PALLD: variants seen among roughly 807,000 people sequenced by gnomAD.
PALLD encodes the protein palladin, cytoskeletal associated protein.
Under a neutral mutation model 123.5 loss-of-function variants are expected in PALLD, and 61 were observed. The observed-to-expected ratio is 0.49, with a 90% CI of 0.40 to 0.61. PALLD has a LOEUF of 0.61. Ranked by LOEUF, PALLD falls within the 20% of genes least tolerant of loss-of-function variation. PALLD has a pLI of 0.00. For missense variants in PALLD, 1,273 were observed against 1,377.0 expected (o/e 0.92, Z 1.20); for synonymous variants, 465 against 496.4 (o/e 0.94, Z 0.84).
At chr4:168,643,439 T>G (rs1777147441) in intron 2 of PALLD, among the ~76,000 whole-genome samples, 1 of 152,214 alleles carries the variant, frequency 6.6e-6, no homozygotes, top group Admixed American at 6.5e-5. Flanking sequence ...TTGCTGTTTA[T>G]CATAACATGA....
At chr4:168,752,861 A>C (rs1731249686) in intron 10 of PALLD, among the ~76,000 whole-genome samples, 2 of 152,166 alleles carry the variant, frequency 1.3e-5, no homozygotes, top group African/African-American at 4.8e-5. Context: ...AAATCTTTTA[A>C]AACTTATAGT....
intron 2 of PALLD, among the ~76,000 whole-genome samples, chr4:168,553,191 T>C (rs537642877): frequency 6.6e-6 from 1 of 152,260 alleles, no homozygotes; most frequent in East Asian, 1.9e-4. Context: ...ACCCATCTAA[T>C]TGAAAACCTA....
At chr4:168,542,669 C>CTA (rs113445830) in intron 2 of PALLD, among the ~76,000 whole-genome samples, 4 of 126,154 alleles carry the variant, frequency 3.2e-5, no homozygotes, top group Non-Finnish European at 6.5e-5. Flanking sequence ...CTCTCTCTCT[C>CTA]TATATATATA....
intron 2 of PALLD, among the ~76,000 whole-genome samples, chr4:168,514,856 T>G (rs1762849157): frequency 6.6e-6 from 1 of 152,218 alleles, no homozygotes; most frequent in Non-Finnish European, 1.5e-5. Context: ...ATTACTGTAT[T>G]AAAATTCACT....
chr4:168,832,352 C>T (rs570160528), intron 10 of PALLD, among the ~76,000 whole-genome samples: 2 of 152,234 alleles, frequency 1.3e-5, no homozygotes, highest in South Asian at 2.1e-4. Flanking sequence ...CCCTCTCCCT[C>T]CCCCGGCCCG....
chr4:168,511,016 T>G (rs891714476), intron 1 of PALLD, among the ~76,000 whole-genome samples: 2 of 152,152 alleles, frequency 1.3e-5, no homozygotes, highest in South Asian at 4.1e-4. Context: ...TAAATGAAAA[T>G]TGGAATCCTT....
At chr4:168,706,376 C>T (rs1018499284) in intron 8 of PALLD, among the ~76,000 whole-genome samples, 6 of 152,148 alleles carry the variant, frequency 3.9e-5, no homozygotes, top group African/African-American at 1.4e-4. Flanking sequence ...CCCATTCAAA[C>T]ATCAAATTGA....
At chr4:168,540,395 T>C (rs1228843414) in intron 2 of PALLD, among the ~76,000 whole-genome samples, 3 of 152,218 alleles carry the variant, frequency 2.0e-5, no homozygotes, top group Non-Finnish European at 4.4e-5. Context: ...TCTAGGCTTC[T>C]TTCTGTTTCC....
At chr4:168,741,090 A>T (rs1252103722) in intron 10 of PALLD, among the ~76,000 whole-genome samples, 1 of 152,190 alleles carries the variant, frequency 6.6e-6, no homozygotes, top group African/African-American at 2.4e-5. Flanking sequence ...AATGTTTCCC[A>T]TTGGCTTCAT....
chr4:168,620,475 C>T (rs895247477), intron 2 of PALLD, among the ~76,000 whole-genome samples: 3 of 152,090 alleles, frequency 2.0e-5, no homozygotes, highest in Non-Finnish European at 4.4e-5. Flanking sequence ...AAAAATTACC[C>T]TTCATTGGGC....
At chr4:168,794,253 GC>G (rs1330983556) in intron 10 of PALLD, among the ~76,000 whole-genome samples, 1 of 152,132 alleles carries the variant, frequency 6.6e-6, no homozygotes, top group African/African-American at 2.4e-5. Context: ...ATGCCCTATG[GC>G]CTGTCCTCGG....
intron 1 of PALLD, among the ~76,000 whole-genome samples, 154 bp from the exon 2 acceptor site, chr4:168,511,269 A>G (rs1762505555): frequency 6.6e-6 from 1 of 152,130 alleles, no homozygotes; most frequent in South Asian, 2.1e-4. Context: ...AAAATGATCA[A>G]CACAAGTATA....
At chr4:168,655,818 T>A (rs1778503624) in intron 2 of PALLD, among the ~76,000 whole-genome samples, 2 of 152,210 alleles carry the variant, frequency 1.3e-5, no homozygotes, top group South Asian at 4.1e-4. Flanking sequence ...GGAAAGTTCT[T>A]CCATTGCTAA....
chr4:168,790,898 T>C (rs1737420931), intron 10 of PALLD, among the ~76,000 whole-genome samples: 1 of 152,230 alleles, frequency 6.6e-6, no homozygotes. Flanking sequence ...ATTTGACATC[T>C]TTAGATCACT....
intron 2 of PALLD, among the ~76,000 whole-genome samples, chr4:168,600,030 CATACATACAT>C (rs1772422919): frequency 2.1e-5 from 3 of 144,824 alleles, no homozygotes; most frequent in Non-Finnish European, 1.5e-5. Context: ...TGTACACACA[CATACATACAT>C]GTGTATACAC....
chr4:168,513,023 TG>T (rs1394181203), intron 2 of PALLD, among the ~76,000 whole-genome samples: 1 of 151,134 alleles, frequency 6.6e-6, no homozygotes, highest in Non-Finnish European at 1.5e-5. Flanking sequence ...AATTTACCCA[TG>T]TAACAAACCT....
chr4:168,637,290 T>C (rs1210203096), intron 2 of PALLD, among the ~76,000 whole-genome samples: 1 of 152,024 alleles, frequency 6.6e-6, no homozygotes, highest in Non-Finnish European at 1.5e-5. Flanking sequence ...TTCCCTTCTC[T>C]CTCAGCACAG....
chr4:168,688,095 G>A (rs1290487275), intron 6 of PALLD, among the ~76,000 whole-genome samples: 1 of 152,156 alleles, frequency 6.6e-6, no homozygotes, highest in Non-Finnish European at 1.5e-5. Context: ...CTGATTTGCA[G>A]GGTCCTTCTT....
At chr4:168,816,301 G>A (rs778982822) in intron 10 of PALLD, among the ~76,000 whole-genome samples, 9 of 151,724 alleles carry the variant, frequency 5.9e-5, no homozygotes, top group Non-Finnish European at 1.3e-4. Flanking sequence ...AACATTTATT[G>A]AAAATGTGTG....
Sources: allele counts gnomAD v4.1 joint callset (sites outside exome capture counted in the v4.1 genomes callset), GRCh38; gene constraint gnomAD v4.1.1; transcripts MANE v1.5; gene names NCBI Gene and HGNC (gene_info 2026-07-23, HGNC 2026-07-21).